Variants in SLMAP observed in about 807,000 individuals in gnomAD.
SLMAP encodes the protein sarcolemma associated protein, also known as sarcolemmal membrane-associated protein.
A neutral mutation model predicts 128.8 loss-of-function variants in SLMAP; 44 were observed. The observed-to-expected ratio is 0.34, with a 90% CI of 0.27 to 0.44. The LOEUF (loss-of-function observed/expected upper bound fraction) is 0.44. Ranked by LOEUF, SLMAP falls within the 20% of genes least tolerant of loss-of-function variation. The pLI, the probability that SLMAP is intolerant of heterozygous loss-of-function variation, is 1.00. For synonymous variants in SLMAP, 327 were observed against 348.8 expected (o/e 0.94, Z 0.70); for missense variants, 787 against 985.3 (o/e 0.80, Z 2.69).
Position 57,907,968 on chromosome 3 carries a change from T to C in SLMAP, c.1586T>C (p.Leu529Pro). Residue 529 changes from leucine (L) to proline (P), a missense_variant, in exon 18 of 25, where the codon CTA (leucine) becomes CCA (proline). Leu to Pro is a moderately conservative substitution (Grantham distance 98). Transcript: ENST00000671191. ...LRKELIEAQELARTSKQKCFE... is the reference protein window; with the variant it reads ...LRKELIEAQEPARTSKQKCFE... ...AAGGAATTGATCGAAGCCCAGGAGC[T>C]AGCTAGAACAAGTAAACAAAAATGC... The C allele has an allele frequency of 6.2e-7, 1 of 1,613,910 alleles. No individual in the cohort carries two copies.
At chr3:57,906,583 C>G (rs1187667365) in intron 17 of SLMAP, among the ~76,000 whole-genome samples, 1 of 147,288 alleles carries the variant, frequency 6.8e-6, no homozygotes, top group Non-Finnish European at 1.5e-5. Flanking sequence ...TCCCAGAGTG[C>G]TAGGATTACA....
intron 8 of SLMAP, among the ~76,000 whole-genome samples, 185 bp from the exon 9 acceptor site, chr3:57,860,514 G>A (rs1413516044): frequency 2.6e-5 from 4 of 152,002 alleles, no homozygotes; most frequent in Non-Finnish European, 4.4e-5. Flanking sequence ...TAGTAAGTTT[G>A]TGAAGGCATA....
chr3:57,921,419 G>T (rs918591653), intron 22 of SLMAP, among the ~76,000 whole-genome samples: 1 of 152,092 alleles, frequency 6.6e-6, no homozygotes, highest in African/African-American at 2.4e-5. Context: ...CCTAGGCCAG[G>T]AGTTCAAGAC....
intron 5 of SLMAP, among the ~76,000 whole-genome samples, chr3:57,848,403 C>T (rs2094359180): frequency 1.3e-5 from 2 of 149,874 alleles, no homozygotes; most frequent in South Asian, 2.1e-4. Flanking sequence ...TCTTATTCTT[C>T]TTTCTTCCTT....
intron 17 of SLMAP, chr3:57,898,149 C>T (rs1311303056): frequency 6.6e-6 from 1 of 152,144 alleles, no homozygotes; most frequent in Non-Finnish European, 1.5e-5. Flanking sequence ...AAGGAGCACT[C>T]TTACTGATTT....
chr3:57,871,744 C>A (rs1013205631), intron 14 of SLMAP, 46 bp downstream of exon 14: 2 of 1,436,136 alleles, frequency 1.4e-6, no homozygotes, highest in African/African-American at 1.4e-5. Context: ...AAGTCAGGGG[C>A]TAAAACTTAA....
Position 57,896,545 on chromosome 3 carries a change from A to G in SLMAP, c.1395A>G (p.Ser465=). The part of the protein sequence containing the change: ...NQTRAKESDF[S]DTLSPSKEKS... ...CAAGAGCAAAAGAATCTGATTTTTC[A>G]GATACTCTGAGTCCAAGCAAGGAAA... is the stretch of plus-strand genomic sequence containing the variant. The change falls in exon 16 of 25, where the codon TCA becomes TCG. Residue 465 remains serine, a synonymous_variant. Coordinates refer to ENST00000671191, the MANE Select transcript of SLMAP (RefSeq NM_001377540.1). 2 of 1,609,876 alleles carry G rather than the reference A, an allele frequency of 1.2e-6. No homozygotes were observed. Among genetic ancestry groups the G allele is most frequent in the Non-Finnish European group, 1.7e-6 (2 of 1,178,654 alleles).
intron 13 of SLMAP, among the ~76,000 whole-genome samples, chr3:57,866,665 T>A (rs2095312069): frequency 1.3e-5 from 2 of 152,196 alleles, no homozygotes; most frequent in South Asian, 4.1e-4. Context: ...AGCAGATCGC[T>A]TGAGCTCAGG....
chr3:57,792,861 G>C (rs1056547540), intron 2 of SLMAP, among the ~76,000 whole-genome samples: 1 of 151,984 alleles, frequency 6.6e-6, no homozygotes, highest in African/African-American at 2.4e-5. Context: ...GATTTGACCG[G>C]GTGCGGTGAC....
At chr3:57,800,527 T>A (rs1489865931) in intron 2 of SLMAP, 2 of 152,436 alleles carry the variant, frequency 1.3e-5, no homozygotes, top group African/African-American at 4.8e-5. Context: ...CATAATAGAG[T>A]CAGTCCTCTT....
At chr3:57,824,834 T>A (rs2092800422) in intron 2 of SLMAP, among the ~76,000 whole-genome samples, 1 of 152,172 alleles carries the variant, frequency 6.6e-6, no homozygotes, top group Admixed American at 6.5e-5. Context: ...ATCTGTGGAT[T>A]TTTTTGGAAA....
rs1478892545 is a variant in SLMAP at position 57,928,519 on chromosome 3, A to G, written c.*1230A>G. On this transcript the variant is annotated 3_prime_UTR_variant, in exon 25 of 25. Coordinates refer to ENST00000671191, the MANE Select transcript of SLMAP (RefSeq NM_001377540.1). ...CAAGATTAATAGTGTTCTATGCACA[A>G]TGAAGCACCTAAAAACACTGCTTGA... The G allele has an allele frequency of 6.6e-6, 1 of 152,346 alleles. No homozygotes were observed. The highest frequency in any genetic ancestry group is 1.5e-5 in the Non-Finnish European group (1 of 68,020). 9.4% of individuals were successfully genotyped at this position (152,346 alleles called of 1,614,324 possible). A position where few individuals can be genotyped will look rare whatever the true frequency, so the allele number is the denominator to read the frequency against.
chr3:57,765,479 G>A (rs2079497666), intron 2 of SLMAP, among the ~76,000 whole-genome samples: 1 of 152,096 alleles, frequency 6.6e-6, no homozygotes, highest in Non-Finnish European at 1.5e-5. Flanking sequence ...GGGATGATAC[G>A]GCATGTTCCA....
rs1034645896 is a variant in SLMAP at position 57,833,609 on chromosome 3, G to A, written c.346+2079G>A. Among the ~76,000 whole-genome samples, 10 of 151,914 alleles carry A rather than the reference G, an allele frequency of 6.6e-5. No individual in the cohort carries two copies. In the East Asian group the frequency reaches 7.8e-4, roughly 12 times the overall value. The stretch of plus-strand genomic sequence containing the variant: ...TAATTTTTGTATTTCTAGTAGAGAC[G>A]GGGTTTCACCATGTTGGCCAGGATG... On this transcript the variant is annotated intron_variant, in intron 3 of 24. Transcript: ENST00000671191.
intron 15 of SLMAP, among the ~76,000 whole-genome samples, chr3:57,894,980 T>A (rs1464626826): frequency 6.6e-6 from 1 of 152,110 alleles, no homozygotes; most frequent in African/African-American, 2.4e-5. Flanking sequence ...AATGACATTT[T>A]CTGCAAATGC....
chr3:57,855,719 A>AC (rs1260036041), intron 6 of SLMAP, among the ~76,000 whole-genome samples: 15 of 148,992 alleles, frequency 1.0e-4, no homozygotes, highest in African/African-American at 3.0e-4. Flanking sequence ...GTTAAAAAAA[A>AC]AAAAAACAAA....
intron 23 of SLMAP, among the ~76,000 whole-genome samples, chr3:57,923,548 A>G (rs2096952795): frequency 1.3e-5 from 2 of 152,188 alleles, no homozygotes; most frequent in Non-Finnish European, 1.5e-5. Flanking sequence ...TTTGGTATAA[A>G]TTGAGTTTAA....
chr3:57,782,888 T>C (rs1485319630), intron 2 of SLMAP, among the ~76,000 whole-genome samples: 3 of 152,212 alleles, frequency 2.0e-5, no homozygotes, highest in African/African-American at 7.2e-5. Flanking sequence ...CTCCTGCCTT[T>C]CCATGTTCTG....
At chr3:57,916,573 T>A (rs2096817156) in intron 21 of SLMAP, among the ~76,000 whole-genome samples, 1 of 152,080 alleles carries the variant, frequency 6.6e-6, no homozygotes, top group Admixed American at 6.6e-5. Context: ...GAAACATGTG[T>A]GTTCTTTTCC....
Sources: allele counts gnomAD v4.1 joint callset (sites outside exome capture counted in the v4.1 genomes callset), GRCh38; gene constraint gnomAD v4.1.1; transcripts MANE v1.5; gene names NCBI Gene and HGNC (gene_info 2026-07-23, HGNC 2026-07-21).